Variants in ARAP1 observed in about 807,000 individuals in gnomAD.
The protein encoded by ARAP1 is ArfGAP with RhoGAP domain, ankyrin repeat and PH domain 1.
ARAP1 carries 76 observed loss-of-function variants against 172.2 expected under a neutral mutation model. The observed-to-expected ratio is 0.44, with a 90% confidence interval of 0.37 to 0.53. The LOEUF (loss-of-function observed/expected upper bound fraction) is 0.53. Ranked by LOEUF, ARAP1 falls within the 20% of genes least tolerant of loss-of-function variation. The pLI, the probability that ARAP1 is intolerant of heterozygous loss-of-function variation, is 0.00. For missense variants in ARAP1, 1,686 were observed against 1,977.5 expected (o/e 0.85, Z 2.80); for synonymous variants, 804 against 803.3 (o/e 1.00, Z -0.01).
At chr11:72,712,788 G>A in intron 5 of ARAP1, 2 of 668,054 alleles carry the variant, frequency 3.0e-6, no homozygotes, top group Non-Finnish European at 5.1e-6. Context: ...CTAGGACACA[G>A]ACAAAAACAG....
At chr11:72,727,726 C>T (rs1243805994) in intron 2 of ARAP1, among the ~76,000 whole-genome samples, 7 of 152,246 alleles carry the variant, frequency 4.6e-5, no homozygotes, top group South Asian at 2.1e-4. Flanking sequence ...TGCTGTGGGA[C>T]GTGAGTAAAC....
rs556682008 is a variant in ARAP1 at position 72,694,984 on chromosome 11, C to T, written c.3690G>A (p.Glu1230=). 2 of 1,613,980 alleles carry T rather than the reference C, an allele frequency of 1.2e-6. No individual in the cohort carries two copies. Among genetic ancestry groups the T allele is most frequent in the East Asian group, 2.2e-5 (1 of 44,880 alleles). ...WTCFEVNERE[E]AERPLHFAEK... ...CACAAGCCCAGCGTCACCCACCTGC[C>T]TCCTCCCTCTCGTTGACCTCAAAGC... Residue 1230 remains glutamate, a synonymous_variant, in exon 27 of 35, where the codon GAG becomes GAA. Coordinates refer to ENST00000393609, the MANE Select transcript of ARAP1 (RefSeq NM_001040118.3).
rs376083808 is a variant in ARAP1, at chr11:72,701,699, T to C, written c.2252A>G (p.Tyr751Cys). Residue 751 changes from tyrosine (Y) to cysteine (C), a missense_variant, in exon 16 of 35, where the codon TAC (tyrosine) becomes TGC (cysteine). Physicochemically the swap from Tyr to Cys is radical, Grantham distance 194. This residue lies in a region of ARAP1 where 688 missense variants were observed against 856.9 expected (regional missense o/e 0.80). Transcript: ENST00000393609. ...LPTVSHSGFL[Y>C]KTASAGKLLQ... ...CAGCTTGCCGGCAGAGGCAGTCTTG[T>C]AGAGGAAGCCACTGTGGCTCACGGT... The C allele has an allele frequency of 2.5e-6, 4 of 1,613,830 alleles. No homozygotes were observed. The highest frequency in any genetic ancestry group is 3.4e-6 in the Non-Finnish European group (4 of 1,179,882).
intron 15 of ARAP1, among the ~76,000 whole-genome samples, chr11:72,702,029 C>G (rs1308108835): frequency 6.6e-6 from 1 of 152,238 alleles, no homozygotes; most frequent in Non-Finnish European, 1.5e-5. Context: ...TTCCAGGAAG[C>G]CTCCCTGATT....
At chr11:72,709,045 C>CA (rs34249967) in intron 11 of ARAP1, among the ~76,000 whole-genome samples, 6,099 of 50,102 alleles carry the variant, frequency 0.12, 226 homozygotes, top group African/African-American at 0.22. Flanking sequence ...TCTCAAAAAG[C>CA]AAAAAAAAAA....
At chr11:72,694,412 T>G (rs1310668572) in intron 27 of ARAP1, among the ~76,000 whole-genome samples, 1 of 151,778 alleles carries the variant, frequency 6.6e-6, no homozygotes, top group Non-Finnish European at 1.5e-5. Flanking sequence ...CCTCGTCTCC[T>G]TGAAAGGGCT....
Position 72,710,082 on chromosome 11 carries a change from GT to G in ARAP1, c.1417-107del. The G allele has an allele frequency of 1.9e-6, 2 of 1,042,476 alleles. No homozygotes were observed. The highest frequency in any genetic ancestry group is 1.6e-5 in the African/African-American group (1 of 63,678). 64.6% of individuals were successfully genotyped at this position (1,042,476 alleles called of 1,614,324 possible). Reference sequence around the variant, plus strand: ...TGGTGCAACTCAGGGACTGGGGGGGGTGCCCAGGAGGGAGACAGCAGGGGAC... The same window carrying G: ...TGGTGCAACTCAGGGACTGGGGGGGGGCCCAGGAGGGAGACAGCAGGGGAC... On this transcript the variant is annotated intron_variant, in intron 10 of 34. Transcript: ENST00000393609. The surrounding 1 kb of genome is among the most constrained non-coding windows in gnomAD (Gnocchi z 4.3).
rs1856052311 is a variant in ARAP1, at chr11:72,693,901, C to T, written c.3695-96G>A. 1.0e-6 allele frequency: 1 copy of T among 988,342 alleles called. No homozygotes were observed. The highest frequency in any genetic ancestry group is 1.6e-5 in the African/African-American group (1 of 61,620). The allele number at this position is 988,342 out of a possible 1,614,324, so 61.2% of individuals were successfully genotyped here. On this transcript the variant is annotated intron_variant, in intron 27 of 34. Coordinates refer to ENST00000393609, the MANE Select transcript of ARAP1 (RefSeq NM_001040118.3). The surrounding 1 kb of genome is among the most constrained non-coding windows in gnomAD (Gnocchi z 4.6). ...ACATATCACCTACACATCCCCTGTC[C>T]ACTCCAACCATATGCAAGTGCCACG... is the stretch of plus-strand genomic sequence containing the variant.
At chr11:72,713,302 C>T in intron 4 of ARAP1, 59 bp from the exon 5 acceptor site, 3 of 1,512,320 alleles carry the variant, frequency 2.0e-6, no homozygotes, top group Middle Eastern at 1.7e-4. Context: ...TCTCCTGGGG[C>T]ACCACACTGG....
chr11:72,692,693 C>T, intron 30 of ARAP1, 60 bp downstream of exon 30: 1 of 1,607,834 alleles, frequency 6.2e-7, no homozygotes, highest in Middle Eastern at 1.7e-4. Flanking sequence ...ATGCTCCCAC[C>T]CAGCTCATTT....
chr11:72,698,236 A>G (rs1856309252), intron 18 of ARAP1, 130 bp from the exon 19 acceptor site: 6 of 1,144,400 alleles, frequency 5.2e-6, no homozygotes, highest in Non-Finnish European at 7.2e-6. Context: ...CCCAAGGCAG[A>G]ACCAAGCCCA....
At chr11:72,689,838 T>C (rs1006287147) in intron 30 of ARAP1, among the ~76,000 whole-genome samples, 3 of 152,188 alleles carry the variant, frequency 2.0e-5, no homozygotes, top group Admixed American at 2.0e-4. Flanking sequence ...GGGAGGAAAT[T>C]AGGCAGGCGG....
chr11:72,715,544 G>A (rs536553344), intron 3 of ARAP1, among the ~76,000 whole-genome samples: 1 of 151,788 alleles, frequency 6.6e-6, no homozygotes, highest in African/African-American at 2.4e-5. Flanking sequence ...TTCTCTGCCT[G>A]GGAATATCCA....
chr11:72,707,238 C>T lies in ARAP1; in HGVS notation c.1660G>A (p.Gly554Arg), dbSNP rs768917084. The change falls in exon 12 of 35, where the codon GGG becomes AGG. Residue 554 changes from glycine to arginine, a missense_variant. Coordinates refer to ENST00000393609, the MANE Select transcript of ARAP1 (RefSeq NM_001040118.3). ...GAGGCCCAGTCAGGCTGAGGAGCCC[C>T]GCAGTCAGCACAGAACCTGTTGGGG... ...AAPNRFCADC[G>R]APQPDWASIN... 1.1e-5 allele frequency: 18 copies of T among 1,609,686 alleles called. No individual in the cohort carries two copies. The highest frequency in any genetic ancestry group is 4.5e-5 in the East Asian group (2 of 44,686).
rs964617820 is a variant in ARAP1 at position 72,701,682 on chromosome 11, C to T, written c.2269G>A (p.Gly757Ser). ...GCCCGGCGGTCCTGTAGCAGCTTGCCGGCAGAGGCAGTCTTGTAGAGGAAG... is the reference window on the plus strand; with the variant it reads ...GCCCGGCGGTCCTGTAGCAGCTTGCTGGCAGAGGCAGTCTTGTAGAGGAAG... ...SGFLYKTASA[G>S]KLLQDRRARE... Residue 757 changes from glycine to serine, a missense_variant, in exon 16 of 35, where the codon GGC becomes AGC. Around this residue, in one of 5 missense-constraint regions of ARAP1, gnomAD observed 688 missense variants for 856.9 expected, o/e 0.80. Coordinates refer to ENST00000393609, the MANE Select transcript of ARAP1 (RefSeq NM_001040118.3). 15 of 1,613,612 alleles carry T rather than the reference C, an allele frequency of 9.3e-6. No homozygotes were observed. The highest frequency in any genetic ancestry group is 5.9e-6 in the Non-Finnish European group (7 of 1,179,820).
rs200741226 is a variant in ARAP1 at position 72,712,246 on chromosome 11, G to T, written c.972C>A (p.Pro324=). The T allele has an allele frequency of 1.2e-6, 2 of 1,607,060 alleles. No individual in the cohort carries two copies. The highest frequency in any genetic ancestry group is 1.7e-6 in the Non-Finnish European group (2 of 1,176,884). ...PMDGPPGGST[P]VTPVIKAGWL... ...AGCCAGCCTTGATGACTGGTGTGAC[G>T]GGGGTGGAGCCCCCAGGCGGCCCGT... The change falls in exon 7 of 35, where the codon CCC becomes CCA. Residue 324 remains proline (P), a synonymous_variant. Coordinates refer to ENST00000393609, the MANE Select transcript of ARAP1 (RefSeq NM_001040118.3).
At chr11:72,711,694 CTTTTTTT>C (rs58109830) in intron 7 of ARAP1, among the ~76,000 whole-genome samples, 195 bp from the exon 8 acceptor site, 2 of 118,886 alleles carry the variant, frequency 1.7e-5, no homozygotes, top group African/African-American at 3.3e-5. Context: ...TAGCACATCT[CTTTTTTT>C]TTTTTTTTTT....
chr11:72,693,853 C>A lies in ARAP1; in HGVS notation c.3695-48G>T. 1 of 1,474,898 alleles carries A rather than the reference C, an allele frequency of 6.8e-7. No homozygotes were observed. Among genetic ancestry groups the A allele is most frequent in the South Asian group, 1.2e-5 (1 of 81,206 alleles). The allele number at this position is 1,474,898 out of a possible 1,614,324, so 91.4% of individuals were successfully genotyped here. On this transcript the variant is annotated intron_variant, in intron 27 of 34. Transcript: ENST00000393609. This position sits in a 1 kb window ranked among gnomAD's most constrained non-coding sequence, Gnocchi z 4.6. ...GTCACTGGGACCACATGGCCCGATA[C>A]CACCAAAGGCTGGCAGATGGGCACA...
intron 13 of ARAP1, 69 bp downstream of exon 13, chr11:72,705,736 C>CT (rs1856728826): frequency 2.0e-6 from 3 of 1,534,768 alleles, no homozygotes; most frequent in Non-Finnish European, 1.8e-6. Flanking sequence ...AGGGAGGGGG[C>CT]TGGGAGACCC....
Sources: gnomAD v4.1 joint callset for allele counts (sites outside exome capture counted in the v4.1 genomes callset) on GRCh38, gnomAD v4.1.1 for gene constraint, gnomAD v4.1.1 regional missense constraint, Gnocchi (gnomAD v3.1) non-coding constraint, MANE v1.5 for transcripts, NCBI Gene and HGNC (gene_info 2026-07-23, HGNC 2026-07-21) for gene names.